The following DCAF6 variants were observed in gnomAD, a reference collection of about 807,000 sequenced individuals.
The protein encoded by DCAF6 is DDB1- and CUL4-associated factor 6.
Under a neutral mutation model 125.1 loss-of-function variants are expected in DCAF6, and 54 were observed. The ratio of observed to expected loss-of-function variants is 0.43; its 90% CI spans 0.35 to 0.54. The LOEUF (loss-of-function observed/expected upper bound fraction) is 0.54. Among genes scored for constraint, DCAF6 ranks in the 20% least tolerant of loss-of-function variants. The probability of loss-of-function intolerance (pLI) is 0.01; values close to 1 mark genes in which losing one functional copy is unlikely to be tolerated. For synonymous variants in DCAF6, 371 were observed against 390.4 expected (o/e 0.95, Z 0.58); for missense variants, 934 against 1,161.7 (o/e 0.80, Z 2.85).
intron 21 of DCAF6, among the ~76,000 whole-genome samples, chr1:168,073,626 T>C (rs953538630): frequency 4.6e-5 from 7 of 152,110 alleles, no homozygotes; most frequent in African/African-American, 1.7e-4. Context: ...ATCTTCTTTA[T>C]AATGTGACAA....
chr1:168,066,187 G>C (rs1362117310), intron 19 of DCAF6, among the ~76,000 whole-genome samples, 190 bp from the exon 20 acceptor site: 1 of 152,062 alleles, frequency 6.6e-6, no homozygotes, highest in Non-Finnish European at 1.5e-5. Context: ...CTTCAACATG[G>C]TATTAAAATT....
rs76532604 is a variant in DCAF6 at position 167,984,840 on chromosome 1, A to G, written c.439-2655A>G. Among the ~76,000 whole-genome samples, 1,336 of 152,308 alleles carry G rather than the reference A, an allele frequency of 8.8e-3. 14 individuals carry two copies. The highest frequency in any genetic ancestry group is 0.058 in the East Asian group (300 of 5,190). Reference sequence around the variant, plus strand: ...AAGTTTGGTAAATTAAAAATTATGTATAGTTCATTTTCATGCTGCTAATAA... The same window carrying G: ...AAGTTTGGTAAATTAAAAATTATGTGTAGTTCATTTTCATGCTGCTAATAA... On this transcript the variant is annotated intron_variant, in intron 4 of 21. Transcript: ENST00000367840.
At chr1:168,025,759 C>T (rs926755858) in intron 12 of DCAF6, among the ~76,000 whole-genome samples, 1 of 152,130 alleles carries the variant, frequency 6.6e-6, no homozygotes, top group Non-Finnish European at 1.5e-5. Flanking sequence ...TATTCTCTAC[C>T]GGCAGCCAGA....
chr1:167,883,411 G>T, the DCAF6 span: 1 of 1,611,754 alleles, frequency 6.2e-7, no homozygotes, highest in Non-Finnish European at 8.5e-7. Context: ...CTATTGGTAG[G>T]TTCCCATCCC....
At chr1:167,954,191 A>G (rs941839103) in intron 2 of DCAF6, among the ~76,000 whole-genome samples, 6 of 151,862 alleles carry the variant, frequency 4.0e-5, no homozygotes, top group Non-Finnish European at 8.8e-5. Flanking sequence ...TTTCTAGTAG[A>G]GACGGGGTTT....
intron 2 of DCAF6, among the ~76,000 whole-genome samples, chr1:167,958,363 A>G (rs1021485322): frequency 1.4e-5 from 2 of 147,402 alleles, no homozygotes; most frequent in African/African-American, 5.0e-5. Context: ...TTTGGTGGCG[A>G]TTATCTAGTT....
intron 7 of DCAF6, among the ~76,000 whole-genome samples, chr1:167,998,955 G>A (rs1682185400): frequency 6.6e-6 from 1 of 151,976 alleles, no homozygotes; most frequent in African/African-American, 2.4e-5. Context: ...TCTTAATAAG[G>A]CATCTAGAAT....
intron 1 of DCAF6, chr1:167,937,266 A>T: frequency 1.9e-6 from 1 of 528,980 alleles, no homozygotes; most frequent in Non-Finnish European, 3.5e-6. Context: ...CTGGCTTGTA[A>T]AGGTGTTGGG....
At chr1:167,933,634 T>A (rs1187854156), upstream of DCAF6, among the ~76,000 whole-genome samples, 1 of 152,236 alleles carries the variant, frequency 6.6e-6, no homozygotes, top group Non-Finnish European at 1.5e-5. Context: ...CAATGACAAT[T>A]CAATAACAAA....
Position 167,987,515 on chromosome 1 carries a change from C to A in DCAF6, c.459C>A (p.Asp153Glu), listed in dbSNP as rs756205104. Reference sequence around the variant, plus strand: ...TTCAGATTATGACTGTACCCAATGACCCTTACACTTTTCTCTCTTGTGGTG... The same window carrying A: ...TTCAGATTATGACTGTACCCAATGAACCTTACACTTTTCTCTCTTGTGGTG... ...TTYEIMTVPN[D>E]PYTFLSCGED... Residue 153 changes from aspartate to glutamate, a missense_variant, in exon 5 of 22, where the codon GAC becomes GAA. By Grantham distance (45) the Asp-to-Glu change is conservative (BLOSUM62 2). Coordinates refer to ENST00000367840, the MANE Select transcript of DCAF6 (RefSeq NM_001198956.2). 1 of 1,591,510 alleles carries A rather than the reference C, an allele frequency of 6.3e-7. No homozygotes were observed. Among genetic ancestry groups the A allele is most frequent in the Admixed American group, 1.7e-5 (1 of 59,946 alleles).
At chr1:167,893,853 C>T in the DCAF6 span, 1 of 1,609,242 alleles carries the variant, frequency 6.2e-7, no homozygotes, top group Admixed American at 1.7e-5. Context: ...TTGAAAATAC[C>T]TGCTTCAAAA....
At chr1:167,926,992 T>A in the DCAF6 span, among the ~76,000 whole-genome samples, 1 of 152,242 alleles carries the variant, frequency 6.6e-6, no homozygotes, top group Admixed American at 6.5e-5. Context: ...TCTGTTAAAA[T>A]GATTATTTAT....
chr1:167,943,063 C>G lies in DCAF6; in HGVS notation c.97+6055C>G, dbSNP rs978045360. Among the ~76,000 whole-genome samples, 4 of 152,230 alleles carry G rather than the reference C, an allele frequency of 2.6e-5. No homozygotes were observed. In the South Asian group the frequency reaches 6.2e-4, roughly 24 times the overall value. Reference sequence around the variant, plus strand: ...CTGGGACTACAGGCACCCGCCACCACGCCCGGCTAATTTTTTTGTATTTTT... The same window carrying G: ...CTGGGACTACAGGCACCCGCCACCAGGCCCGGCTAATTTTTTTGTATTTTT... On this transcript the variant is annotated intron_variant, in intron 1 of 21. Transcript: ENST00000367840.
chr1:167,961,368 G>A (rs1047535239), intron 2 of DCAF6, among the ~76,000 whole-genome samples: 12 of 152,006 alleles, frequency 7.9e-5, no homozygotes, highest in South Asian at 4.2e-4. Context: ...TCAGCCTCCC[G>A]AGTAGCTGGG....
the DCAF6 span, among the ~76,000 whole-genome samples, chr1:167,863,768 CG>C: frequency 1.3e-5 from 2 of 152,214 alleles, no homozygotes; most frequent in South Asian, 4.1e-4. Context: ...GGCAGGCCCC[CG>C]TGGAGGATCA....
intron 10 of DCAF6, among the ~76,000 whole-genome samples, chr1:168,009,893 G>A (rs1371043321): frequency 6.6e-6 from 1 of 151,904 alleles, no homozygotes; most frequent in Non-Finnish European, 1.5e-5. Context: ...TGTCTATCTT[G>A]TTGTCTCTGA....
At chr1:167,888,838 T>TGCAGTCCA in the DCAF6 span, among the ~76,000 whole-genome samples, 1 of 61,162 alleles carries the variant, frequency 1.6e-5, no homozygotes, top group African/African-American at 7.0e-5. Context: ...ACAGCGCAAC[T>TGCAGTCCA]GCAGTCCAGC....
chr1:167,995,557 G>A (rs140369690), intron 7 of DCAF6, among the ~76,000 whole-genome samples: 22 of 151,970 alleles, frequency 1.4e-4, no homozygotes, highest in African/African-American at 5.3e-4. Context: ...GCAGGCGCCT[G>A]TAATCCCAGC....
At chr1:168,004,496 T>A in intron 9 of DCAF6, 37 bp from the exon 10 acceptor site, 2 of 1,602,446 alleles carry the variant, frequency 1.2e-6, no homozygotes. Flanking sequence ...TTAGAAAATA[T>A]TTAAAATTTG....
Sources: allele counts gnomAD v4.1 joint callset (sites outside exome capture counted in the v4.1 genomes callset), GRCh38; gene constraint gnomAD v4.1.1; transcripts MANE v1.5; gene names NCBI Gene and HGNC (gene_info 2026-07-23, HGNC 2026-07-21).